Variants in UGT2A3 observed in about 807,000 individuals in gnomAD.
UGT2A3 encodes UDP glucuronosyltransferase family 2 member A3.
A neutral mutation model predicts 44.1 loss-of-function variants in UGT2A3; 55 were observed. That is an observed-to-expected ratio of 1.25 (90% CI 1.00 to 1.56). UGT2A3 has a LOEUF of 1.56. UGT2A3 is among the 40% of genes most tolerant of loss of function. UGT2A3 has a pLI of 0.00. For missense variants in UGT2A3, 733 were observed against 621.6 expected, an observed-to-expected ratio of 1.18 and a Z score of -1.91; for synonymous variants, 243 against 215.1, an observed-to-expected ratio of 1.13 and a Z score of -1.13.
At chr4:68,944,914 C>G (rs1718329070) in intron 2 of UGT2A3, among the ~76,000 whole-genome samples, 1 of 151,652 alleles carries the variant, frequency 6.6e-6, no homozygotes, top group Non-Finnish European at 1.5e-5. Flanking sequence ...TGGAATATAT[C>G]CAATATGTCT....
At chr4:68,939,359 C>A (rs1276303225) in intron 2 of UGT2A3, among the ~76,000 whole-genome samples, 1 of 152,032 alleles carries the variant, frequency 6.6e-6, no homozygotes, top group Non-Finnish European at 1.5e-5. Flanking sequence ...ATATACAGAC[C>A]AATGGAACAG....
At chr4:68,944,299 A>T (rs1002600703) in intron 2 of UGT2A3, among the ~76,000 whole-genome samples, 1 of 151,784 alleles carries the variant, frequency 6.6e-6, no homozygotes, top group Non-Finnish European at 1.5e-5. Context: ...TAGATTGCAC[A>T]CTTAGGCATT....
chr4:68,945,222 C>T, intron 2 of UGT2A3, 84 bp downstream of exon 2: 2 of 1,509,734 alleles, frequency 1.3e-6, no homozygotes, highest in East Asian at 2.3e-5. Context: ...CAACATCATC[C>T]TTCTATAACT....
chr4:68,929,956 G>T lies in UGT2A3; in HGVS notation c.1441C>A (p.Leu481Ile), dbSNP rs771598845. The T allele has an allele frequency of 6.2e-7, 1 of 1,613,536 alleles. No individual in the cohort carries two copies. The highest frequency in any genetic ancestry group is 8.5e-7 in the Non-Finnish European group (1 of 1,179,676). Residue 481 changes from leucine to isoleucine, a missense_variant, in exon 6 of 6, where the codon CTC becomes ATC. Leu to Ile is a conservative substitution (Grantham distance 5). Coordinates refer to ENST00000251566, the MANE Select transcript of UGT2A3 (RefSeq NM_024743.4). ...ATAGAGTAGTGCTGGAACCAGGTGA[G>T]GTCATGGGCAGCTGATCGCAGGTGC... ...AKHLRSAAHD[L>I]TWFQHYSIDV...
intron 2 of UGT2A3, among the ~76,000 whole-genome samples, chr4:68,944,159 T>C (rs1465591513): frequency 2.0e-5 from 3 of 151,882 alleles, no homozygotes; most frequent in African/African-American, 7.2e-5. Context: ...AACACAAATA[T>C]AACATCTGGC....
intron 4 of UGT2A3, 21 bp from the exon 5 acceptor site, chr4:68,930,786 G>C (rs1162076413): frequency 2.6e-6 from 4 of 1,524,794 alleles, no homozygotes; most frequent in South Asian, 1.3e-5. Flanking sequence ...AATTGGATGA[G>C]AAATGGTGAG....
intron 3 of UGT2A3, 39 bp downstream of exon 3, chr4:68,932,589 T>C (rs1238005786): frequency 2.5e-6 from 4 of 1,576,740 alleles, no homozygotes; most frequent in East Asian, 2.2e-5. Context: ...TGTTTCATTA[T>C]GTGAATAGCT....
chr4:68,948,967 A>C (rs903407149), intron 1 of UGT2A3, among the ~76,000 whole-genome samples: 1 of 151,984 alleles, frequency 6.6e-6, no homozygotes, highest in East Asian at 2.0e-4. Context: ...GTTGGGAGCC[A>C]GCAAGTGCAG....
At chr4:68,939,497 T>C (rs1718100241) in intron 2 of UGT2A3, among the ~76,000 whole-genome samples, 1 of 152,200 alleles carries the variant, frequency 6.6e-6, no homozygotes, top group African/African-American at 2.4e-5. Context: ...GCTAGCCATA[T>C]GTAGAAAGTT....
At chr4:68,934,774 G>A (rs2109780488) in intron 2 of UGT2A3, among the ~76,000 whole-genome samples, 1 of 151,440 alleles carries the variant, frequency 6.6e-6, no homozygotes, top group Non-Finnish European at 1.5e-5. Context: ...GAATTTTGAG[G>A]TAGAAGGATT....
chr4:68,931,837 T>G (rs1384215396), intron 3 of UGT2A3, among the ~76,000 whole-genome samples: 4 of 152,032 alleles, frequency 2.6e-5, no homozygotes, highest in African/African-American at 9.7e-5. Flanking sequence ...CAATTTTTCT[T>G]TGTTGGACAC....
At chr4:68,943,561 A>G (rs930021904) in intron 2 of UGT2A3, among the ~76,000 whole-genome samples, 4 of 151,890 alleles carry the variant, frequency 2.6e-5, no homozygotes, top group African/African-American at 9.6e-5. Flanking sequence ...AGTAATAGGT[A>G]AACCCAGTAT....
chr4:68,937,763 G>A (rs1270889873), intron 2 of UGT2A3, among the ~76,000 whole-genome samples: 1 of 152,008 alleles, frequency 6.6e-6, no homozygotes, highest in Non-Finnish European at 1.5e-5. Flanking sequence ...ACAAATCAAT[G>A]AATCCAGGAG....
rs769189575 is a variant in UGT2A3 at position 68,930,694 on chromosome 4, C to A, written c.1156G>T (p.Val386Phe). ...AATATGGGAACTCCCACCATAGGGA[C>A]CCCATGGTAAATAGCTTCATAGATC... ...NGIYEAIYHGVPMVGVPIFGD... is the reference protein window; with the variant it reads ...NGIYEAIYHGFPMVGVPIFGD... Residue 386 changes from valine (V) to phenylalanine (F), a missense_variant, in exon 5 of 6, where the codon GTC becomes TTC. By Grantham distance (50) the Val-to-Phe change is conservative. Transcript: ENST00000251566. 6 of 1,612,982 alleles carry A rather than the reference C, an allele frequency of 3.7e-6. No homozygotes were observed. The highest frequency in any genetic ancestry group is 2.7e-5 in the African/African-American group (2 of 74,862).
At position 68,930,011 on chromosome 4, in the gene UGT2A3, G is replaced by A. The variant is rs755442651; in HGVS notation, c.1386C>T (p.Ile462=). The change falls in exon 6 of 6, where the codon ATC becomes ATT. Residue 462 remains isoleucine, a synonymous_variant. Coordinates refer to ENST00000251566, the MANE Select transcript of UGT2A3 (RefSeq NM_024743.4). ...VKPLDRAVFW[I]EFVMRHKGAK... ...CTCCTTTGTGGCGCATGACAAACTC[G>A]ATCCAGAAGACTGCTCGATCTAGGG... The A allele has an allele frequency of 2.5e-6, 4 of 1,613,478 alleles. No homozygotes were observed. Among genetic ancestry groups the A allele is most frequent in the South Asian group, 1.1e-5 (1 of 91,078 alleles).
At chr4:68,932,382 A>C (rs1457246146) in intron 3 of UGT2A3, among the ~76,000 whole-genome samples, 1 of 151,816 alleles carries the variant, frequency 6.6e-6, no homozygotes, top group African/African-American at 2.4e-5. Flanking sequence ...CAAATCCTAA[A>C]ATATAAGGTA....
chr4:68,940,936 C>T (rs905205925), intron 2 of UGT2A3, among the ~76,000 whole-genome samples: 5 of 151,430 alleles, frequency 3.3e-5, no homozygotes, highest in Non-Finnish European at 7.4e-5. Context: ...TATTTGAGCC[C>T]TCCACACTTC....
At chr4:68,940,622 C>T (rs1162730202) in intron 2 of UGT2A3, among the ~76,000 whole-genome samples, 1 of 151,356 alleles carries the variant, frequency 6.6e-6, no homozygotes, top group African/African-American at 2.4e-5. Context: ...ATGCAGCAAA[C>T]CAAAATGGCA....
chr4:68,935,272 G>GTATATATATATATA (rs57461958), intron 2 of UGT2A3, among the ~76,000 whole-genome samples: 1 of 89,280 alleles, frequency 1.1e-5, no homozygotes, highest in African/African-American at 3.5e-5. Flanking sequence ...ATGTATGTAT[G>GTATATATATATATA]TATGTATATA....
Sources: gnomAD v4.1 joint callset for allele counts (sites outside exome capture counted in the v4.1 genomes callset) on GRCh38, gnomAD v4.1.1 for gene constraint, MANE v1.5 for transcripts, NCBI Gene and HGNC (gene_info 2026-07-23, HGNC 2026-07-21) for gene names.